The following ARMC6 variants were observed in gnomAD, a reference collection of about 807,000 sequenced individuals.
ARMC6 encodes the protein armadillo repeat containing 6, also known as armadillo repeat-containing protein 6.
In ARMC6, 43 loss-of-function variants were observed where a neutral mutation model predicts 49.2. The observed-to-expected ratio is 0.87, with a 90% CI of 0.69 to 1.13. The LOEUF is 1.13. ARMC6 is among the 50% of genes most tolerant of loss of function. The pLI is 0.00. For missense variants in ARMC6, 627 were observed against 682.0 expected, an observed-to-expected ratio of 0.92 and a Z score of 0.90; for synonymous variants, 262 against 289.6, an observed-to-expected ratio of 0.90 and a Z score of 0.97.
intron 4 of ARMC6, among the ~76,000 whole-genome samples, chr19:19,050,601 TTTGTAG>T (rs2059488140): frequency 6.6e-6 from 1 of 152,250 alleles, no homozygotes; most frequent in African/African-American, 2.4e-5. Flanking sequence ...GTATGTATTC[TTTGTAG>T]TAATGTCTAT....
rs748078025 is a variant in ARMC6 at position 19,054,120 on chromosome 19, G to A, written c.854-32G>A. On this transcript the variant is annotated intron_variant, in intron 5 of 8. Coordinates refer to ENST00000535612, the MANE Select transcript of ARMC6 (RefSeq NM_001199196.2). ...GAGGGCCCTGCGGCTGGTTCTTCCC[G>A]CCCCCACCACCGTCTCCCTTTCTCC... 1.6e-5 allele frequency: 24 copies of A among 1,480,414 alleles called. No individual in the cohort carries two copies. In the Middle Eastern group the frequency reaches 6.2e-4, roughly 38 times the overall value. The allele number at this position is 1,480,414 out of a possible 1,614,324, so 91.7% of individuals were successfully genotyped here.
In ARMC6 at chr19:19,057,654, T is replaced by G; in HGVS notation, c.*26T>G. On this transcript the variant is annotated 3_prime_UTR_variant, in exon 9 of 9. Transcript: ENST00000535612. ...CCCCAGGCCCAGTCTGGGCCGTGACTCTGGGTGAGTCGTGTGACTCAGGAA... is the reference window on the plus strand; with the variant it reads ...CCCCAGGCCCAGTCTGGGCCGTGACGCTGGGTGAGTCGTGTGACTCAGGAA... 1 of 1,605,146 alleles carries G rather than the reference T, an allele frequency of 6.2e-7. No individual in the cohort carries two copies. The highest frequency in any genetic ancestry group is 2.2e-5 in the East Asian group (1 of 44,840).
Position 19,051,626 on chromosome 19 carries a change from T to C in ARMC6, c.284T>C (p.Leu95Pro). ...QEPTHDILQM[L>P]SDLQESVASS... ...GGTTTCTCCCATGTCTCCCAGATGC[T>C]CAGTGACCTCCAGGAGTCTGTGGCC... Residue 95 changes from leucine to proline, a missense_variant, in exon 5 of 9, where the codon CTC (leucine) becomes CCC (proline). Transcript: ENST00000535612. 1.3e-6 allele frequency: 2 copies of C among 1,590,692 alleles called. No homozygotes were observed. The highest frequency in any genetic ancestry group is 1.7e-6 in the Non-Finnish European group (2 of 1,167,774).
chr19:19,036,402 A>C (rs2059368565), intron 2 of ARMC6, among the ~76,000 whole-genome samples: 1 of 152,210 alleles, frequency 6.6e-6, no homozygotes, highest in South Asian at 2.1e-4. Flanking sequence ...AGAGAGAGCA[A>C]CTGGATATGC....
chr19:19,046,353 C>T (rs959130186), intron 4 of ARMC6, among the ~76,000 whole-genome samples: 1 of 151,916 alleles, frequency 6.6e-6, no homozygotes, highest in Non-Finnish European at 1.5e-5. Flanking sequence ...CCTGCCATGA[C>T]GCCCGGCTAA....
chr19:19,057,158 G>T (rs565418361), intron 8 of ARMC6, among the ~76,000 whole-genome samples: 1 of 152,384 alleles, frequency 6.6e-6, no homozygotes, highest in South Asian at 2.1e-4. Flanking sequence ...CCAACTCTGA[G>T]GCTGAGAGTT....
chr19:19,034,583 A>G (rs1446108267), intron 2 of ARMC6, among the ~76,000 whole-genome samples: 1 of 151,986 alleles, frequency 6.6e-6, no homozygotes, highest in Admixed American at 6.6e-5. Flanking sequence ...CCAGCATGTC[A>G]TGGCACACGT....
At chr19:19,045,528 C>T (rs1378983444) in intron 4 of ARMC6, among the ~76,000 whole-genome samples, 1 of 84,386 alleles carries the variant, frequency 1.2e-5, no homozygotes, top group Non-Finnish European at 2.1e-5. Flanking sequence ...CACTCTGTTG[C>T]CCAGGCTGGA....
At chr19:19,034,269 G>A (rs745424827) in intron 2 of ARMC6, 31 bp downstream of exon 2, 61 of 1,589,888 alleles carry the variant, frequency 3.8e-5, no homozygotes, top group Middle Eastern at 3.3e-4. Context: ...ACAGAGTGAT[G>A]GGACGGGAAA....
chr19:19,043,627 G>A lies in ARMC6; in HGVS notation c.197-365G>A, dbSNP rs1228245284. Among the ~76,000 whole-genome samples the A allele has an allele frequency of 2.6e-5, 4 of 152,150 alleles. No individual in the cohort carries two copies. In the South Asian group the frequency reaches 8.3e-4, roughly 31 times the overall value. On this transcript the variant is annotated intron_variant, in intron 3 of 8. Coordinates refer to ENST00000535612, the MANE Select transcript of ARMC6 (RefSeq NM_001199196.2). ...GGGTGCCAGCAGGGGCAAGAATGCA[G>A]CCAGAGCCAGGAGGGATGGGAGCCC...
Position 19,055,481 on chromosome 19 carries a change from C to T in ARMC6, c.1155+85C>T. 6.7e-7 allele frequency: 1 copy of T among 1,498,926 alleles called. No individual in the cohort carries two copies. The highest frequency in any genetic ancestry group is 1.3e-5 in the South Asian group (1 of 75,100). The allele number at this position is 1,498,926 out of a possible 1,614,324, so 92.9% of individuals were successfully genotyped here. On this transcript the variant is annotated intron_variant, in intron 7 of 8. Transcript: ENST00000535612. This position sits in a 1 kb window ranked among gnomAD's most constrained non-coding sequence, Gnocchi z 5.7. ...TCTGTATCTGCATGAAGCTCTATTCCCCTGCAGGGCCAGGGCAGGGCTGGT... is the reference window on the plus strand; with the variant it reads ...TCTGTATCTGCATGAAGCTCTATTCTCCTGCAGGGCCAGGGCAGGGCTGGT...
intron 2 of ARMC6, among the ~76,000 whole-genome samples, chr19:19,036,569 C>G (rs912550714): frequency 6.6e-6 from 1 of 152,154 alleles, no homozygotes; most frequent in Non-Finnish European, 1.5e-5. Flanking sequence ...GTGGAGTCCC[C>G]TACTCCTTAC....
At chr19:19,047,277 G>C (rs1219224005) in intron 4 of ARMC6, among the ~76,000 whole-genome samples, 1 of 152,090 alleles carries the variant, frequency 6.6e-6, no homozygotes, top group African/African-American at 2.4e-5. Flanking sequence ...GTTCGCAACT[G>C]AACCAACCCC....
intron 4 of ARMC6, among the ~76,000 whole-genome samples, chr19:19,048,890 C>G (rs1400812391): frequency 6.6e-6 from 1 of 151,978 alleles, no homozygotes; most frequent in East Asian, 1.9e-4. Flanking sequence ...TGTCTTATTG[C>G]TACAAAAAAG....
chr19:19,051,734 C>G lies in ARMC6; in HGVS notation c.392C>G (p.Ala131Gly). ...CKQDKACRFL[A>G]AQKGAYPIIF... is the part of the protein sequence containing the mutation. Reference sequence around the variant, plus strand: ...CAGGACAAGGCCTGCCGCTTCCTCGCGGCCCAGAAGGGGGCCTACCCCATC... The same window carrying G: ...CAGGACAAGGCCTGCCGCTTCCTCGGGGCCCAGAAGGGGGCCTACCCCATC... The change falls in exon 5 of 9, where the codon GCG becomes GGG. Residue 131 changes from alanine (A) to glycine (G), a missense_variant. Ala to Gly is a moderately conservative substitution (Grantham distance 60). Coordinates refer to ENST00000535612, the MANE Select transcript of ARMC6 (RefSeq NM_001199196.2). 6.2e-7 allele frequency: 1 copy of G among 1,614,016 alleles called. No individual in the cohort carries two copies. The highest frequency in any genetic ancestry group is 8.5e-7 in the Non-Finnish European group (1 of 1,180,040).
At chr19:19,042,685 GCT>G in intron 2 of ARMC6, 24 bp from the exon 3 acceptor site, 4 of 1,609,350 alleles carry the variant, frequency 2.5e-6, no homozygotes, top group Non-Finnish European at 3.4e-6. Flanking sequence ...CCTTGAGGTA[GCT>G]CTCTCTTTGC....
At chr19:19,050,507 C>T (rs560827240) in intron 4 of ARMC6, among the ~76,000 whole-genome samples, 6 of 152,316 alleles carry the variant, frequency 3.9e-5, no homozygotes, top group African/African-American at 9.6e-5. Flanking sequence ...TGAGCCACCA[C>T]GCCTGGCTTC....
intron 4 of ARMC6, among the ~76,000 whole-genome samples, chr19:19,045,641 C>A (rs913551262): frequency 2.2e-5 from 3 of 136,414 alleles, no homozygotes; most frequent in Admixed American, 1.6e-4. Context: ...GTGCACACCA[C>A]CATGCCCAGC....
intron 2 of ARMC6, among the ~76,000 whole-genome samples, chr19:19,037,316 G>A (rs1382162252): frequency 6.6e-6 from 1 of 151,970 alleles, no homozygotes; most frequent in Non-Finnish European, 1.5e-5. Flanking sequence ...CAGATGGAAT[G>A]TGTATATCCC....
Sources: gnomAD v4.1 joint callset for allele counts (sites outside exome capture counted in the v4.1 genomes callset) on GRCh38, gnomAD v4.1.1 for gene constraint, Gnocchi (gnomAD v3.1) non-coding constraint, MANE v1.5 for transcripts, NCBI Gene and HGNC (gene_info 2026-07-23, HGNC 2026-07-21) for gene names.